CDC20B: variants seen among roughly 807,000 people sequenced by gnomAD.
The protein encoded by CDC20B is cell division cycle 20B, also known as cell division cycle protein 20 homolog B.
A neutral mutation model predicts 64.1 loss-of-function variants in CDC20B; 58 were observed. The observed-to-expected ratio is 0.90, with a 90% confidence interval of 0.73 to 1.13. CDC20B has a LOEUF of 1.13. CDC20B is among the 50% of genes most tolerant of loss of function. The pLI is 0.00. For synonymous variants in CDC20B, 243 were observed against 230.6 expected, an observed-to-expected ratio of 1.05 and a Z score of -0.49; for missense variants, 597 against 633.0, an observed-to-expected ratio of 0.94 and a Z score of 0.61.
intron 2 of CDC20B, chr5:55,161,027 C>T: frequency 6.2e-7 from 1 of 1,613,872 alleles, no homozygotes; most frequent in South Asian, 1.1e-5. Flanking sequence ...CAGTGACTGC[C>T]AACTCACAGA....
intron 2 of CDC20B, chr5:55,160,714 A>C (rs1744000213): frequency 2.2e-6 from 1 of 459,150 alleles, no homozygotes; most frequent in Admixed American, 3.9e-5. Context: ...TAATCTAATA[A>C]CTTTAAAAAG....
intron 2 of CDC20B, among the ~76,000 whole-genome samples, chr5:55,151,217 TAA>T (rs919756480): frequency 2.0e-5 from 3 of 152,264 alleles, no homozygotes; most frequent in Non-Finnish European, 4.4e-5. Flanking sequence ...TCTCATTTCA[TAA>T]AAGATATTAG....
rs1742713318 is a variant in CDC20B, at chr5:55,119,788, C to T, written c.1459+13G>A. On this transcript the variant is annotated intron_variant, in intron 11 of 11. Transcript: ENST00000381375. ...CTATAGGTGCATGGCATTTTACTCA[C>T]CCATTTGCTTACCAAAAAACCCACC... The T allele has an allele frequency of 1.3e-6, 2 of 1,529,050 alleles. No individual in the cohort carries two copies. Among genetic ancestry groups the T allele is most frequent in the Non-Finnish European group, 9.1e-7 (1 of 1,102,702 alleles). The allele number at this position is 1,529,050 out of a possible 1,614,324, so 94.7% of individuals were successfully genotyped here.
chr5:55,143,333 T>C (rs1743380655), intron 4 of CDC20B, among the ~76,000 whole-genome samples, 180 bp downstream of exon 4: 2 of 152,240 alleles, frequency 1.3e-5, no homozygotes, highest in Admixed American at 1.3e-4. Flanking sequence ...ATTTGGGGGA[T>C]ATCTTCTTTC....
chr5:55,172,700 A>G, intron 1 of CDC20B, 50 bp from the exon 2 acceptor site: 2 of 1,427,044 alleles, frequency 1.4e-6, no homozygotes, highest in African/African-American at 1.4e-5. Context: ...TAGGAAAATC[A>G]TAATTTCAGG....
At chr5:55,145,613 T>A (rs143173016) in intron 3 of CDC20B, among the ~76,000 whole-genome samples, 41 of 152,292 alleles carry the variant, frequency 2.7e-4, no homozygotes, top group African/African-American at 9.6e-4. Flanking sequence ...CCCATCACAC[T>A]GGTGGTTTGG....
intron 2 of CDC20B, among the ~76,000 whole-genome samples, chr5:55,155,625 C>T (rs745691223): frequency 6.6e-6 from 1 of 152,200 alleles, no homozygotes; most frequent in South Asian, 2.1e-4. Flanking sequence ...GAACTTTCAA[C>T]GCCCTCCCAT....
chr5:55,168,796 G>C (rs1744498131), intron 2 of CDC20B, among the ~76,000 whole-genome samples: 1 of 152,174 alleles, frequency 6.6e-6, no homozygotes, highest in Admixed American at 6.5e-5. Flanking sequence ...CATGAAGATG[G>C]AAACAGTAGA....
At chr5:55,151,865 G>A (rs1743676176) in intron 2 of CDC20B, among the ~76,000 whole-genome samples, 1 of 152,190 alleles carries the variant, frequency 6.6e-6, no homozygotes, top group Non-Finnish European at 1.5e-5. Flanking sequence ...TCCCTAGAGA[G>A]ATCCAGATCC....
chr5:55,143,985 CT>C (rs1220415199), intron 3 of CDC20B, among the ~76,000 whole-genome samples: 2 of 112,646 alleles, frequency 1.8e-5, no homozygotes, highest in East Asian at 5.5e-4. Flanking sequence ...AATGCTTTAT[CT>C]CTGTATGGAA....
chr5:55,142,216 G>C (rs1043982467), intron 4 of CDC20B, among the ~76,000 whole-genome samples: 4 of 152,114 alleles, frequency 2.6e-5, no homozygotes, highest in Non-Finnish European at 5.9e-5. Flanking sequence ...GCAGGCCCTC[G>C]TTGTGGAAAC....
intron 3 of CDC20B, among the ~76,000 whole-genome samples, chr5:55,145,871 T>C (rs75044480): frequency 0.043 from 6,600 of 152,032 alleles, 205 homozygotes; most frequent in Non-Finnish European, 0.064. Context: ...GCTTCTGTCT[T>C]TTTCTTCCAT....
rs34286995 is a variant in CDC20B at position 55,162,090 on chromosome 5, CAAAA to C, written c.126+10494_126+10497del. Among the ~76,000 whole-genome samples the C allele has an allele frequency of 7.4e-3, 675 of 90,718 alleles. 5 individuals carry two copies. Among genetic ancestry groups the C allele is most frequent in the African/African-American group, 0.025 (616 of 24,874 alleles). 59.5% of individuals were successfully genotyped at this position (90,718 alleles called of 152,430 possible). ...AGACACTGTTCTAAACCATATTAGTCAAAAAAAAAAAAAAAAAAAAAAAGGCCGG... is the reference window on the plus strand; with the variant it reads ...AGACACTGTTCTAAACCATATTAGTCAAAAAAAAAAAAAAAAAAAGGCCGG... On this transcript the variant is annotated intron_variant, in intron 2 of 11. Transcript: ENST00000381375.
At chr5:55,120,681 A>C in intron 9 of CDC20B, 131 bp from the exon 10 acceptor site, 1 of 1,050,130 alleles carries the variant, frequency 9.5e-7, no homozygotes, top group Non-Finnish European at 1.4e-6. Context: ...CTGCTATCTA[A>C]AGGCAGGAGC....
rs1744679683 is a variant in CDC20B at position 55,173,086 on chromosome 5, G to A, written c.-86C>T. 1 of 1,243,480 alleles carries A rather than the reference G, an allele frequency of 8.0e-7. No homozygotes were observed. The highest frequency in any genetic ancestry group is 1.2e-6 in the Non-Finnish European group (1 of 869,356). The allele number at this position is 1,243,480 out of a possible 1,614,324, so 77.0% of individuals were successfully genotyped here. ...TTCCCAGGTCTAAGTCAGTCTTGAC[G>A]CCTAATCGTCAAACCCCTGGAGTCC... On this transcript the variant is annotated 5_prime_UTR_variant, in exon 1 of 12. Coordinates refer to ENST00000381375, the MANE Select transcript of CDC20B (RefSeq NM_001170402.1).
chr5:55,135,760 T>TA (rs1743146819), intron 5 of CDC20B: 1 of 142,096 alleles, frequency 7.0e-6, no homozygotes, highest in East Asian at 1.9e-4. Flanking sequence ...TTTGTGATTT[T>TA]TTTTTTTTTT....
chr5:55,155,824 G>T (rs956304645), intron 2 of CDC20B, among the ~76,000 whole-genome samples: 1 of 152,122 alleles, frequency 6.6e-6, no homozygotes, highest in Non-Finnish European at 1.5e-5. Context: ...CTGCTGCTCT[G>T]CAGACCTCCC....
chr5:55,131,634 G>A (rs1327316163), intron 6 of CDC20B, among the ~76,000 whole-genome samples: 1 of 152,216 alleles, frequency 6.6e-6, no homozygotes, highest in African/African-American at 2.4e-5. Context: ...CTTTGGTAAT[G>A]TTTGGAAGAG....
chr5:55,132,191 C>A (rs1464007513), intron 6 of CDC20B, among the ~76,000 whole-genome samples: 1 of 152,164 alleles, frequency 6.6e-6, no homozygotes, highest in East Asian at 1.9e-4. Flanking sequence ...ACAATACATT[C>A]TCTTGGAGAA....
Sources: gnomAD v4.1 joint callset for allele counts (sites outside exome capture counted in the v4.1 genomes callset) on GRCh38, gnomAD v4.1.1 for gene constraint, MANE v1.5 for transcripts, NCBI Gene and HGNC (gene_info 2026-07-23, HGNC 2026-07-21) for gene names.